BTAF1: variants seen among roughly 807,000 people sequenced by gnomAD.
BTAF1 encodes B-TFIID TATA-box binding protein associated factor 1.
BTAF1 carries 38 observed loss-of-function variants against 227.1 expected under a neutral mutation model. That is an observed-to-expected ratio of 0.17 (90% confidence interval 0.13 to 0.22). The LOEUF (loss-of-function observed/expected upper bound fraction) is 0.22, where lower values mean the gene tolerates loss of function less well. BTAF1 is among the 10% of genes least tolerant of loss of function. The probability of loss-of-function intolerance (pLI) is 1.00; values close to 1 mark genes in which losing one functional copy is unlikely to be tolerated. For missense variants in BTAF1, 1,598 were observed against 2,204.0 expected (o/e 0.73, Z 5.51); for synonymous variants, 742 against 751.9 (o/e 0.99, Z 0.21).
chr10:91,945,604 A>T (rs374808689), intron 4 of BTAF1, among the ~76,000 whole-genome samples: 1 of 152,232 alleles, frequency 6.6e-6, no homozygotes, highest in Non-Finnish European at 1.5e-5. Flanking sequence ...TCTGTGTTGT[A>T]GTATGGGACA....
chr10:91,957,621 C>G (rs1164375434), intron 8 of BTAF1, among the ~76,000 whole-genome samples: 1 of 152,060 alleles, frequency 6.6e-6, no homozygotes, highest in Non-Finnish European at 1.5e-5. Flanking sequence ...CAGTAGTTTC[C>G]AAGCCAGCTT....
intron 1 of BTAF1, among the ~76,000 whole-genome samples, chr10:91,924,368 C>T (rs1052620130): frequency 6.6e-6 from 1 of 152,174 alleles, no homozygotes; most frequent in Admixed American, 6.5e-5. Flanking sequence ...TCTCTGGTTT[C>T]TCTTCCCTCT....
intron 21 of BTAF1, among the ~76,000 whole-genome samples, chr10:91,992,854 C>T (rs1848894106): frequency 6.6e-6 from 1 of 152,154 alleles, no homozygotes; most frequent in Admixed American, 6.5e-5. Context: ...TTACACCGTA[C>T]AGTCTTAACA....
At chr10:91,966,561 A>T in intron 13 of BTAF1, 76 bp from the exon 14 acceptor site, 3 of 1,494,862 alleles carry the variant, frequency 2.0e-6, no homozygotes, top group Non-Finnish European at 2.8e-6. Context: ...ACTAGATCCC[A>T]TGAGAATATT....
chr10:92,003,653 A>G (rs1849699201), intron 25 of BTAF1, among the ~76,000 whole-genome samples: 1 of 152,218 alleles, frequency 6.6e-6, no homozygotes, highest in African/African-American at 2.4e-5. Flanking sequence ...CATCACATAG[A>G]CGAACACTTG....
chr10:91,984,988 A>ATT (rs201127398), intron 19 of BTAF1, among the ~76,000 whole-genome samples: 14 of 150,798 alleles, frequency 9.3e-5, no homozygotes, highest in Admixed American at 9.3e-4. Flanking sequence ...GTATTTGTTT[A>ATT]TTTTTTTTTG....
chr10:92,028,754 A>AT (rs748051370), intron 37 of BTAF1, 36 bp from the exon 38 acceptor site: 10 of 1,415,482 alleles, frequency 7.1e-6, no homozygotes, highest in African/African-American at 2.9e-5. Flanking sequence ...TTAACCTCTC[A>AT]TTTTATTTTT....
intron 11 of BTAF1, among the ~76,000 whole-genome samples, chr10:91,961,058 CCTT>C (rs1846476013): frequency 6.6e-6 from 1 of 152,138 alleles, no homozygotes; most frequent in Admixed American, 6.5e-5. Context: ...TCTCTTTTCT[CCTT>C]CTCCCTGCTT....
At chr10:91,942,662 CAT>C in intron 4 of BTAF1, 94 bp downstream of exon 4, 2 of 1,358,894 alleles carry the variant, frequency 1.5e-6, no homozygotes, top group Non-Finnish European at 1.0e-6. Context: ...CGTAAACTAA[CAT>C]GTCATGAAAT....
intron 7 of BTAF1, among the ~76,000 whole-genome samples, 176 bp from the exon 8 acceptor site, chr10:91,957,049 T>TCA (rs1444200466): frequency 1.3e-5 from 2 of 152,184 alleles, no homozygotes; most frequent in Non-Finnish European, 2.9e-5. Context: ...AAGTATTGAA[T>TCA]AATCTATTGA....
chr10:92,025,139 A>G (rs1554870241), intron 35 of BTAF1, among the ~76,000 whole-genome samples, 172 bp downstream of exon 35: 1 of 152,174 alleles, frequency 6.6e-6, no homozygotes, highest in Non-Finnish European at 1.5e-5. Context: ...ATATAATCGA[A>G]TAGATTATTT....
intron 5 of BTAF1, among the ~76,000 whole-genome samples, chr10:91,952,202 C>A (rs900801577): frequency 4.6e-5 from 7 of 151,246 alleles, no homozygotes; most frequent in Non-Finnish European, 1.0e-4. Context: ...TCCTTTTAAG[C>A]CATGTTTACC....
intron 4 of BTAF1, among the ~76,000 whole-genome samples, chr10:91,949,469 T>C (rs1327919957): frequency 1.3e-5 from 2 of 152,250 alleles, no homozygotes; most frequent in African/African-American, 4.8e-5. Flanking sequence ...ATGAACGTTA[T>C]GCGGTGTAGA....
intron 30 of BTAF1, 111 bp from the exon 31 acceptor site, chr10:92,013,556 G>T (rs536478280): frequency 4.4e-6 from 6 of 1,360,844 alleles, no homozygotes; most frequent in Non-Finnish European, 5.1e-6. Flanking sequence ...TAAAAATATA[G>T]TGATAATCTC....
chr10:92,009,041 G>C lies in BTAF1; in HGVS notation c.3936G>C (p.Arg1312Ser), dbSNP rs776698048. 1 of 1,613,864 alleles carries C rather than the reference G, an allele frequency of 6.2e-7. No individual in the cohort carries two copies. The highest frequency in any genetic ancestry group is 8.5e-7 in the Non-Finnish European group (1 of 1,179,886). ...TTTATTGTGTTTTGCTATTGTAAAG[G>C]GCCCAGGAATATGCAAGATCAAAAT... ...ICILAGDHCH[R>S]AQEYARSKLA... Residue 1312 changes from arginine to serine, a missense_variant and splice_region_variant, in exon 28 of 38, where the codon AGG becomes AGC. Around this residue, in one of 10 missense-constraint regions of BTAF1, gnomAD observed 184 missense variants for 341.1 expected, o/e 0.54. Transcript: ENST00000265990.
At chr10:92,009,358 G>T in intron 28 of BTAF1, 150 bp downstream of exon 28, 1 of 844,404 alleles carries the variant, frequency 1.2e-6, no homozygotes. Flanking sequence ...ACTTTGGGAA[G>T]ATATAATCAG....
chr10:92,016,916 TTAA>T (rs1313415427), intron 33 of BTAF1, among the ~76,000 whole-genome samples: 13 of 152,230 alleles, frequency 8.5e-5, no homozygotes, highest in Admixed American at 2.0e-4. Context: ...TTAATATATC[TTAA>T]TAAGCACTTT....
At chr10:91,939,025 T>C (rs1589756222) in intron 2 of BTAF1, among the ~76,000 whole-genome samples, 2 of 151,630 alleles carry the variant, frequency 1.3e-5, no homozygotes, top group South Asian at 2.1e-4. Context: ...GTGTTGAATC[T>C]CTTGATTAAT....
Position 92,028,847 on chromosome 10 carries a change from A to G in BTAF1, c.5464A>G (p.Ile1822Val), listed in dbSNP as rs1454615296. The G allele has an allele frequency of 6.2e-6, 10 of 1,610,404 alleles. No individual in the cohort carries two copies. Among genetic ancestry groups the G allele is most frequent in the East Asian group, 2.2e-5 (1 of 44,628 alleles). The change falls in exon 38 of 38, where the codon ATT becomes GTT. Residue 1822 changes from isoleucine (I) to valine (V), a missense_variant. By Grantham distance (29) the Ile-to-Val change is conservative. This residue lies in a region of BTAF1 where 79 missense variants were observed against 97.9 expected (regional missense o/e 0.81). Coordinates refer to ENST00000265990, the MANE Select transcript of BTAF1 (RefSeq NM_003972.3). ...TTCTGGGAAAGCAAGTATGAAATCA[A>G]TTCTTGAAAACCTGAGTGATCTTTG... is the stretch of plus-strand genomic sequence containing the variant. Reference protein sequence around the residue: ...STSGKASMKSILENLSDLWDQ... With the variant: ...STSGKASMKSVLENLSDLWDQ...
Sources: allele counts gnomAD v4.1 joint callset (sites outside exome capture counted in the v4.1 genomes callset), GRCh38; gene constraint gnomAD v4.1.1; regional missense constraint gnomAD v4.1.1; transcripts MANE v1.5; gene names NCBI Gene and HGNC (gene_info 2026-07-23, HGNC 2026-07-21).